PIKFYVE: variants seen among roughly 807,000 people sequenced by gnomAD.
PIKFYVE encodes phosphoinositide kinase, FYVE-type zinc finger containing.
In PIKFYVE, 122 loss-of-function variants were observed where a neutral mutation model predicts 257.9. The observed-to-expected ratio is 0.47, with a 90% CI of 0.41 to 0.55. The LOEUF (loss-of-function observed/expected upper bound fraction) is 0.55, where lower values mean the gene tolerates loss of function less well. Among genes scored for constraint, PIKFYVE ranks in the 20% least tolerant of loss-of-function variants. The probability of loss-of-function intolerance (pLI) is 0.00; values close to 1 mark genes in which losing one functional copy is unlikely to be tolerated. For missense variants in PIKFYVE, 2,160 were observed against 2,536.6 expected (o/e 0.85, Z 3.19); for synonymous variants, 892 against 868.9 (o/e 1.03, Z -0.47).
chr2:208,285,476 T>G (rs1691446550), intron 5 of PIKFYVE, among the ~76,000 whole-genome samples: 1 of 152,230 alleles, frequency 6.6e-6, no homozygotes, highest in Admixed American at 6.5e-5. Context: ...GATGGCTCTT[T>G]TTTTTTCTTT....
chr2:208,332,951 TTGG>T (rs1697719124), intron 23 of PIKFYVE, among the ~76,000 whole-genome samples: 1 of 152,024 alleles, frequency 6.6e-6, no homozygotes, highest in South Asian at 2.1e-4. Context: ...AAAGAAAATG[TTGG>T]CCGGGTGTGG....
chr2:208,286,045 C>A, intron 6 of PIKFYVE, 112 bp downstream of exon 6: 1 of 1,094,006 alleles, frequency 9.1e-7, no homozygotes, highest in Non-Finnish European at 1.3e-6. Flanking sequence ...CCTGTCAGTT[C>A]ACTGTGTTCT....
chr2:208,352,827 T>C (rs774588830), intron 39 of PIKFYVE, 45 bp downstream of exon 39: 3 of 1,600,572 alleles, frequency 1.9e-6, no homozygotes, highest in Non-Finnish European at 1.7e-6. Context: ...CTGGAACCTT[T>C]TGTACCTTTG....
At chr2:208,281,392 T>C (rs1690786739) in intron 5 of PIKFYVE, among the ~76,000 whole-genome samples, 2 of 152,306 alleles carry the variant, frequency 1.3e-5, no homozygotes, top group South Asian at 4.1e-4. Flanking sequence ...TTGATCCAAC[T>C]TTATATTCTT....
At chr2:208,298,176 T>C (rs1327486609) in intron 7 of PIKFYVE, among the ~76,000 whole-genome samples, 1 of 152,230 alleles carries the variant, frequency 6.6e-6, no homozygotes, top group Non-Finnish European at 1.5e-5. Flanking sequence ...AGATTTGGCC[T>C]GTGGGCCATA....
intron 9 of PIKFYVE, among the ~76,000 whole-genome samples, chr2:208,301,378 A>G (rs1337972503): frequency 6.6e-6 from 1 of 152,174 alleles, no homozygotes; most frequent in African/African-American, 2.4e-5. Flanking sequence ...GCTGGAACCT[A>G]AGGCCAAAGA....
chr2:208,318,574 T>A (rs1465675929), intron 16 of PIKFYVE, among the ~76,000 whole-genome samples: 1 of 152,212 alleles, frequency 6.6e-6, no homozygotes, highest in Non-Finnish European at 1.5e-5. Flanking sequence ...GTGGACCTTT[T>A]AAAAATGTCT....
At chr2:208,313,440 G>T (rs1209256324) in intron 13 of PIKFYVE, among the ~76,000 whole-genome samples, 1 of 151,200 alleles carries the variant, frequency 6.6e-6, no homozygotes, top group Non-Finnish European at 1.5e-5. Context: ...ATTGAGGATT[G>T]TCTGAATAGA....
At chr2:208,329,554 C>A (rs1476972306) in intron 21 of PIKFYVE, among the ~76,000 whole-genome samples, 1 of 152,170 alleles carries the variant, frequency 6.6e-6, no homozygotes, top group African/African-American at 2.4e-5. Flanking sequence ...TAAAGGAAAC[C>A]TTTACCTCTT....
rs1270349357 is a variant in PIKFYVE, at chr2:208,317,862, A to G, written c.2008-5A>G. ...ATTTTATTGTTTTCTTAATTGTTCC[A>G]TTAGATCCCAGGTGGAAAGAAGTTT... On this transcript the variant is annotated splice_region_variant and splice_polypyrimidine_tract_variant and intron_variant, in intron 15 of 41. Transcript: ENST00000264380. 9.9e-6 allele frequency: 16 copies of G among 1,609,182 alleles called. No homozygotes were observed. The highest frequency in any genetic ancestry group is 1.4e-5 in the Non-Finnish European group (16 of 1,175,462).
At chr2:208,323,072 CATTTTCTTTTTTATTTTT>C (rs1696473695) in intron 17 of PIKFYVE, among the ~76,000 whole-genome samples, 1 of 150,362 alleles carries the variant, frequency 6.7e-6, no homozygotes, top group South Asian at 2.1e-4. Flanking sequence ...GTATGTGCCA[CATTTTCTTTTTTATTTTT>C]ATTTTATTTT....
intron 4 of PIKFYVE, 35 bp from the exon 5 acceptor site, chr2:208,277,502 T>G (rs1401856043): frequency 6.2e-7 from 1 of 1,607,912 alleles, no homozygotes. Flanking sequence ...TAATCAGTAT[T>G]TTCAAGAAGC....
intron 5 of PIKFYVE, among the ~76,000 whole-genome samples, chr2:208,284,435 A>G (rs1047384624): frequency 7.2e-5 from 11 of 151,898 alleles, no homozygotes; most frequent in African/African-American, 2.7e-4. Flanking sequence ...TAATTTTTGT[A>G]TTTTTAGTAG....
Position 208,355,810 on chromosome 2 carries a change from G to A in PIKFYVE, c.*505G>A, listed in dbSNP as rs1051661317. 1 of 153,128 alleles carries A rather than the reference G, an allele frequency of 6.5e-6. No individual in the cohort carries two copies. Among genetic ancestry groups the A allele is most frequent in the East Asian group, 1.9e-4 (1 of 5,198 alleles). 9.5% of individuals were successfully genotyped at this position (153,128 alleles called of 1,614,324 possible). ...AAAAATTCTGATTTATTCCATTAAT[G>A]GCCGGTTAAACACGTGGGCATTTAT... On this transcript the variant is annotated 3_prime_UTR_variant, in exon 42 of 42. Transcript: ENST00000264380.
At chr2:208,284,838 G>C (rs1691332183) in intron 5 of PIKFYVE, among the ~76,000 whole-genome samples, 1 of 151,572 alleles carries the variant, frequency 6.6e-6, no homozygotes, top group Admixed American at 6.6e-5. Context: ...TTTTATATAT[G>C]TTTATATTTG....
intron 7 of PIKFYVE, among the ~76,000 whole-genome samples, chr2:208,294,982 G>A (rs1003374247): frequency 6.6e-6 from 1 of 152,184 alleles, no homozygotes; most frequent in African/African-American, 2.4e-5. Flanking sequence ...CCATGACTGG[G>A]TTCACCTAGA....
rs928886408 is a variant in PIKFYVE, at chr2:208,343,746, CTT to C, written c.5027+1101_5027+1102del. Among the ~76,000 whole-genome samples, 22 of 152,076 alleles carry C rather than the reference CTT, an allele frequency of 1.4e-4. 1 individual carries two copies. Among genetic ancestry groups the C allele is most frequent in the African/African-American group, 5.3e-4 (22 of 41,498 alleles). ...TGCCTTATTCCGTAGACATTTCTGACTTTTTAGTTTATACAGTTATCATATAT... is the reference window on the plus strand; with the variant it reads ...TGCCTTATTCCGTAGACATTTCTGACTTTAGTTTATACAGTTATCATATAT... On this transcript the variant is annotated intron_variant, in intron 32 of 41. Coordinates refer to ENST00000264380, the MANE Select transcript of PIKFYVE (RefSeq NM_015040.4).
chr2:208,338,390 T>C (rs1156773759), intron 28 of PIKFYVE, 118 bp from the exon 29 acceptor site: 16 of 744,626 alleles, frequency 2.1e-5, no homozygotes, highest in Non-Finnish European at 3.3e-5. Context: ...TTTTTAGTAA[T>C]TTTTTAACGG....
In PIKFYVE at chr2:208,324,939, C is replaced by T; in HGVS notation, c.2360C>T (p.Thr787Ile). Residue 787 changes from threonine (T) to isoleucine (I), a missense_variant, in exon 19 of 42, where the codon ACC becomes ATC. Physicochemically the swap from Thr to Ile is moderately conservative, Grantham distance 89. This residue lies in a region of PIKFYVE where 346 missense variants were observed against 365.6 expected (regional missense o/e 0.95). Transcript: ENST00000264380. The stretch of plus-strand genomic sequence containing the variant: ...GTTTTGGAACGAATCAGTCGAATGA[C>T]CCAAGGTGATTTAGTGATGTCAATG... ...SQVLERISRM[T>I]QGDLVMSMDQ... 1 of 1,613,972 alleles carries T rather than the reference C, an allele frequency of 6.2e-7. No individual in the cohort carries two copies. The highest frequency in any genetic ancestry group is 1.1e-5 in the South Asian group (1 of 91,072).
Sources: gnomAD v4.1 joint callset for allele counts (sites outside exome capture counted in the v4.1 genomes callset) on GRCh38, gnomAD v4.1.1 for gene constraint, gnomAD v4.1.1 regional missense constraint, MANE v1.5 for transcripts, NCBI Gene and HGNC (gene_info 2026-07-23, HGNC 2026-07-21) for gene names.